The following OPHN1 variants were observed in gnomAD, a reference collection of about 807,000 sequenced individuals.
OPHN1 encodes the protein oligophrenin-1.
OPHN1 carries 11 observed loss-of-function variants against 60.7 expected under a neutral mutation model. The observed-to-expected ratio is 0.18, with a 90% confidence interval of 0.11 to 0.30. The LOEUF (loss-of-function observed/expected upper bound fraction) is 0.30, where lower values mean the gene tolerates loss of function less well. OPHN1 is among the 10% of genes least tolerant of loss of function. OPHN1 has a pLI of 1.00. For missense variants in OPHN1, 449 were observed against 611.0 expected (o/e 0.73, Z 2.80); for synonymous variants, 226 against 222.6 (o/e 1.02, Z -0.14).
intron 10 of OPHN1, among the ~76,000 whole-genome samples, chrX:68,202,321 G>T (rs1182083404): frequency 8.9e-6 from 1 of 111,870 alleles, no homozygotes; most frequent in Non-Finnish European, 1.9e-5. Flanking sequence ...CATATGTGCA[G>T]CAAGGACAGT....
chrX:68,293,689 G>C (rs997592415), intron 3 of OPHN1, among the ~76,000 whole-genome samples: 3 of 111,691 alleles, frequency 2.7e-5, no homozygotes, highest in Non-Finnish European at 5.6e-5. Flanking sequence ...CTGATGACAA[G>C]ATTGAAATTT....
chrX:68,206,540 A>G lies in OPHN1; in HGVS notation c.933+33T>C, dbSNP rs376439966. On this transcript the variant is annotated intron_variant, in intron 10 of 24. Transcript: ENST00000355520. ...TTTTCTGAGAAACAGTCATAGATCCATTTCCAAAAATATGGTGCAAACAAG... is the reference window on the plus strand; with the variant it reads ...TTTTCTGAGAAACAGTCATAGATCCGTTTCCAAAAATATGGTGCAAACAAG... 30 of 1,036,854 alleles carry G rather than the reference A, an allele frequency of 2.9e-5. No individual in the cohort carries two copies. The African/African-American group carries it at 4.5e-4, about 15-fold the overall frequency. 85.4% of individuals were successfully genotyped at this position (1,036,854 alleles called of 1,213,427 possible).
chrX:68,349,920 G>T (rs7060225), intron 2 of OPHN1, among the ~76,000 whole-genome samples: 6,254 of 109,830 alleles, frequency 0.057, 451 homozygotes, highest in African/African-American at 0.2. Context: ...GGGGTGGGGG[G>T]CTAGGGGAGG....
rs112212310 is a variant in OPHN1 at position 68,076,394 on chromosome X, T to C, written c.1687-3095A>G. Among the ~76,000 whole-genome samples the C allele has an allele frequency of 5.9e-3, 647 of 108,953 alleles. 3 individuals are homozygous for C. Among genetic ancestry groups the C allele is most frequent in the Admixed American group, 9.4e-3 (96 of 10,191 alleles). 94.6% of individuals were successfully genotyped at this position (108,953 alleles called of 115,157 possible). ...AATGTAAAATCATACAATGTCATAG[T>C]GAATTAAAAAAAAAAACCACCCAAT... On this transcript the variant is annotated intron_variant, in intron 19 of 24. Transcript: ENST00000355520.
At chrX:68,407,285 C>A (rs1354765371) in intron 2 of OPHN1, among the ~76,000 whole-genome samples, 1 of 112,190 alleles carries the variant, frequency 8.9e-6, no homozygotes, top group Non-Finnish European at 1.9e-5. Context: ...TGGGTTCTAG[C>A]CATCATGTGT....
intron 2 of OPHN1, among the ~76,000 whole-genome samples, chrX:68,309,271 GTA>G (rs1265023469): frequency 2.7e-5 from 3 of 111,618 alleles, no homozygotes; most frequent in Admixed American, 9.6e-5. Context: ...ACACTCTTGA[GTA>G]TATGTTTTTC....
intron 12 of OPHN1, among the ~76,000 whole-genome samples, chrX:68,195,053 AG>A (rs1241932642): frequency 1.2e-3 from 129 of 104,485 alleles, no homozygotes; most frequent in Middle Eastern, 4.8e-3. Context: ...GAAGGAAGGA[AG>A]GAAGGAAGGA....
chrX:68,353,168 A>G (rs962696858), intron 2 of OPHN1, among the ~76,000 whole-genome samples: 12 of 109,681 alleles, frequency 1.1e-4, no homozygotes, highest in Admixed American at 2.0e-4. Context: ...ACAAAAAAAA[A>G]GAAGGTGCAT....
Position 68,332,802 on chromosome X carries a change from TAA to T in OPHN1, c.155-33708_155-33707del, listed in dbSNP as rs57157442. Among the ~76,000 whole-genome samples the T allele has an allele frequency of 3.9e-5, 4 of 101,653 alleles. 1 individual carries two copies. The highest frequency in any genetic ancestry group is 1.4e-4 in the African/African-American group (4 of 28,266). The allele number at this position is 101,653 out of a possible 115,157, so 88.3% of individuals were successfully genotyped here. ...CCTCTAAATGATAATTTATGGAAAT[TAA>T]AAAAAAAAAACAGCAAAGAGCTTAA... is the stretch of plus-strand genomic sequence containing the variant. On this transcript the variant is annotated intron_variant, in intron 2 of 24. Transcript: ENST00000355520.
chrX:68,067,463 A>C (rs1362365388), intron 20 of OPHN1, among the ~76,000 whole-genome samples: 1 of 110,547 alleles, frequency 9.0e-6, no homozygotes, highest in Non-Finnish European at 1.9e-5. Flanking sequence ...TTTGAGTCAC[A>C]GAAGACAATG....
chrX:68,254,549 G>GC (rs1283994870), intron 5 of OPHN1, among the ~76,000 whole-genome samples: 2 of 110,597 alleles, frequency 1.8e-5, no homozygotes, highest in Non-Finnish European at 1.9e-5. Flanking sequence ...AAAAAAGTGA[G>GC]CCCCCCTCCC....
In OPHN1 at chrX:68,181,507, C is replaced by A. The variant is rs192364743; in HGVS notation, c.1276+11412G>T. On this transcript the variant is annotated intron_variant, in intron 15 of 24. Coordinates refer to ENST00000355520, the MANE Select transcript of OPHN1 (RefSeq NM_002547.3). ...GTTTTTCACCTGCTAAATCTGGCAACCCTAGGTTTTTCACCTGCTAAATTT... is the reference window on the plus strand; with the variant it reads ...GTTTTTCACCTGCTAAATCTGGCAAACCTAGGTTTTTCACCTGCTAAATTT... Among the ~76,000 whole-genome samples the A allele has an allele frequency of 1.4e-4, 16 of 111,205 alleles. No homozygotes were observed. In the East Asian group the frequency reaches 4.3e-3, roughly 30 times the overall value.
At chrX:68,224,756 G>A (rs996580018) in intron 6 of OPHN1, among the ~76,000 whole-genome samples, 1 of 112,340 alleles carries the variant, frequency 8.9e-6, no homozygotes, top group Non-Finnish European at 1.9e-5. Context: ...ATCGACTGAA[G>A]GTTCCAAGAT....
At chrX:68,214,714 A>T (rs2077600144) in intron 6 of OPHN1, among the ~76,000 whole-genome samples, 1 of 112,345 alleles carries the variant, frequency 8.9e-6, no homozygotes, top group African/African-American at 3.2e-5. Flanking sequence ...ATAAGACTGT[A>T]GGCCAAGTGC....
At position 68,140,077 on chromosome X, in the gene OPHN1, A is replaced by C. The variant is rs749599942; in HGVS notation, c.1277-20745T>G. 2.7e-5 allele frequency among the ~76,000 whole-genome samples: 3 copies of C among 112,061 alleles called. No homozygotes were observed. The East Asian group carries it at 8.4e-4, about 32-fold the overall frequency. On this transcript the variant is annotated intron_variant, in intron 15 of 24. Coordinates refer to ENST00000355520, the MANE Select transcript of OPHN1 (RefSeq NM_002547.3). ...TAATTCATTGAAAAGTTTGACAAAA[A>C]CAGATGCAACGTATTGGATACAGGC...
At chrX:68,362,557 A>G (rs2078478451) in intron 2 of OPHN1, among the ~76,000 whole-genome samples, 1 of 111,494 alleles carries the variant, frequency 9.0e-6, no homozygotes, top group African/African-American at 3.3e-5. Context: ...GAGTATGTTA[A>G]TTAGCTTGAT....
chrX:68,267,291 C>T (rs1163873515), intron 5 of OPHN1, among the ~76,000 whole-genome samples: 1 of 111,600 alleles, frequency 9.0e-6, no homozygotes, highest in Non-Finnish European at 1.9e-5. Context: ...AAGCACTCCT[C>T]AGCACATGTA....
At chrX:68,340,864 G>T (rs1186205126) in intron 2 of OPHN1, among the ~76,000 whole-genome samples, 1 of 108,928 alleles carries the variant, frequency 9.2e-6, no homozygotes, top group African/African-American at 3.3e-5. Flanking sequence ...AATTAGCCAG[G>T]CATGGTGGTG....
chrX:68,106,962 A>G (rs1333314741), intron 18 of OPHN1, among the ~76,000 whole-genome samples: 1 of 112,044 alleles, frequency 8.9e-6, no homozygotes, highest in Non-Finnish European at 1.9e-5. Context: ...GAAGACTCAT[A>G]CTGTCTATAC....
Sources: gnomAD v4.1 joint callset for allele counts (sites outside exome capture counted in the v4.1 genomes callset) on GRCh38, gnomAD v4.1.1 for gene constraint, MANE v1.5 for transcripts, NCBI Gene and HGNC (gene_info 2026-07-23, HGNC 2026-07-21) for gene names.